Variants in DHODH observed in about 807,000 individuals in gnomAD.
The protein encoded by DHODH is dihydroorotate dehydrogenase (quinone).
Under a neutral mutation model 39.7 loss-of-function variants are expected in DHODH, and 30 were observed. That is an observed-to-expected ratio of 0.76 (90% confidence interval 0.57 to 1.02). The LOEUF (loss-of-function observed/expected upper bound fraction) is 1.02. Among genes scored for constraint, DHODH ranks in the 50% least tolerant of loss-of-function variants. The pLI is 0.00. For missense variants in DHODH, 531 were observed against 520.8 expected (o/e 1.02, Z -0.19); for synonymous variants, 222 against 213.8 (o/e 1.04, Z -0.34).
rs373069655 is a variant in DHODH at position 72,021,075 on chromosome 16, G to A, written c.518-49G>A. The A allele has an allele frequency of 7.2e-4, 1,108 of 1,541,366 alleles. 15 individuals carry two copies. The South Asian group carries it at 0.011, about 15-fold the overall frequency. The stretch of plus-strand genomic sequence containing the variant: ...TGGTCAAGGGCAGCCTCAGAAGGTG[G>A]CACAGGAAAGGGTGTGCGGGGTGCA... On this transcript the variant is annotated intron_variant, in intron 4 of 8. Coordinates refer to ENST00000219240, the MANE Select transcript of DHODH (RefSeq NM_001361.5).
chr16:72,014,747 T>G, intron 3 of DHODH, 75 bp downstream of exon 3: 3 of 1,438,184 alleles, frequency 2.1e-6, no homozygotes, highest in East Asian at 4.7e-5. Flanking sequence ...AAGATCTGCC[T>G]CTGTTTTTTT....
intron 1 of DHODH, chr16:72,009,033 G>T: frequency 7.0e-7 from 1 of 1,421,534 alleles, no homozygotes. Context: ...CTGCGCCTGG[G>T]CCATGTTTTT....
At chr16:72,020,785 T>C (rs1309949256) in intron 4 of DHODH, among the ~76,000 whole-genome samples, 1 of 152,222 alleles carries the variant, frequency 6.6e-6, no homozygotes, top group East Asian at 1.9e-4. Flanking sequence ...CTGAGTTCTC[T>C]CTGTTCTCAG....
rs1476986682 is a variant in DHODH at position 72,026,774 on chromosome 16, G to C, written c.*2575G>C. On this transcript the variant is annotated 3_prime_UTR_variant, in exon 9 of 9. Coordinates refer to ENST00000219240, the MANE Select transcript of DHODH (RefSeq NM_001361.5). ...GCATTCAGGGGCCATGTGGTGTGCG[G>C]ATACCTATTTTTCTTTCTTTTCTTT... The C allele has an allele frequency of 2.6e-5, 4 of 151,844 alleles. No homozygotes were observed. The highest frequency in any genetic ancestry group is 4.4e-5 in the Non-Finnish European group (3 of 68,232). 9.4% of individuals were successfully genotyped at this position (151,844 alleles called of 1,614,324 possible). A position where few individuals can be genotyped will look rare whatever the true frequency, so the allele number is the denominator to read the frequency against.
In DHODH at chr16:72,024,343, G is replaced by A. The variant is rs144226636; in HGVS notation, c.*144G>A. The A allele has an allele frequency of 1.1e-4, 90 of 845,302 alleles. No individual in the cohort carries two copies. In the African/African-American group the frequency reaches 1.3e-3, roughly 12 times the overall value. The allele number at this position is 845,302 out of a possible 1,614,324, so 52.4% of individuals were successfully genotyped here. ...GCTGCACTGTAAACGCCAATCGGGG[G>A]GTCACCAGGATCAACCGCAGGCTTT... On this transcript the variant is annotated 3_prime_UTR_variant, in exon 9 of 9. Coordinates refer to ENST00000219240, the MANE Select transcript of DHODH (RefSeq NM_001361.5).
rs1171812810 is a variant in DHODH at position 72,012,173 on chromosome 16, C to T, written c.145C>T (p.Leu49=). The change falls in exon 2 of 9, where the codon CTG becomes TTG. Residue 49 remains leucine, a synonymous_variant. Transcript: ENST00000219240. ...EHLMPTLQGL[L]DPESAHRLAV... is the part of the protein sequence containing the mutation. ...CCTGATGCCGACTCTGCAGGGGCTG[C>T]TGGACCCGGAGTCAGCCCACAGACT... is the stretch of plus-strand genomic sequence containing the variant. The T allele has an allele frequency of 1.9e-6, 3 of 1,614,054 alleles. No individual in the cohort carries two copies. The highest frequency in any genetic ancestry group is 2.5e-6 in the Non-Finnish European group (3 of 1,180,022).
At chr16:72,018,282 A>T (rs1320854789) in intron 4 of DHODH, among the ~76,000 whole-genome samples, 1 of 152,134 alleles carries the variant, frequency 6.6e-6, no homozygotes, top group African/African-American at 2.4e-5. Context: ...AGGATGTCTT[A>T]GTCTCAGATA....
intron 4 of DHODH, among the ~76,000 whole-genome samples, chr16:72,019,429 C>G (rs1373896097): frequency 6.6e-6 from 1 of 152,190 alleles, no homozygotes; most frequent in Non-Finnish European, 1.5e-5. Context: ...ACTTGGTGTT[C>G]TAATTCTTCC....
rs528598713 is a variant in DHODH, at chr16:72,021,272, C to G, written c.666C>G (p.Ser222Arg). ...VSSPNTAGLR[S>R]LQGKAELRRL... is the part of the protein sequence containing the mutation. ...GCCCCAACACTGCCGGGCTGCGGAG[C>G]CTTCAGGGAAAGGCCGAGCTGCGCC... The change falls in exon 5 of 9, where the codon AGC becomes AGG. Residue 222 changes from serine (S) to arginine (R), a missense_variant. By Grantham distance (110) the Ser-to-Arg change is moderately radical. Transcript: ENST00000219240. The G allele has an allele frequency of 4.3e-6, 7 of 1,612,400 alleles. No homozygotes were observed. The highest frequency in any genetic ancestry group is 2.2e-5 in the South Asian group (2 of 90,714).
intron 6 of DHODH, among the ~76,000 whole-genome samples, chr16:72,022,939 TA>T (rs1252668581): frequency 6.6e-6 from 1 of 152,182 alleles, no homozygotes; most frequent in Non-Finnish European, 1.5e-5. Flanking sequence ...GACCCTGTCC[TA>T]GGGGAATGTT....
intron 5 of DHODH, 21 bp downstream of exon 5, chr16:72,021,332 C>T (rs1317614984): frequency 1.3e-6 from 2 of 1,584,210 alleles, no homozygotes; most frequent in South Asian, 1.1e-5. Context: ...GCACCCCTCT[C>T]CAGGCCCTGT....
chr16:72,019,248 G>A (rs930856019), intron 4 of DHODH, among the ~76,000 whole-genome samples: 1 of 152,096 alleles, frequency 6.6e-6, no homozygotes, highest in African/African-American at 2.4e-5. Context: ...GAGCTGCTGC[G>A]CCCGGCTTCT....
Position 72,008,883 on chromosome 16 carries a change from C to T in DHODH, c.21+98C>T. On this transcript the variant is annotated intron_variant, in intron 1 of 8. Coordinates refer to ENST00000219240, the MANE Select transcript of DHODH (RefSeq NM_001361.5). Reference sequence around the variant, plus strand: ...GGCGAGGCATGGACCGAAGGCGGCTCCGGGAGTGTGGGCCCCCCTGGGACG... The same window carrying T: ...GGCGAGGCATGGACCGAAGGCGGCTTCGGGAGTGTGGGCCCCCCTGGGACG... The T allele has an allele frequency of 3.2e-6, 5 of 1,549,526 alleles. No individual in the cohort carries two copies. In the South Asian group the frequency reaches 3.6e-5, roughly 11 times the overall value.
intron 2 of DHODH, 50 bp downstream of exon 2, chr16:72,012,312 G>A (rs8057016): frequency 1.9e-6 from 3 of 1,561,084 alleles, no homozygotes; most frequent in Non-Finnish European, 2.6e-6. Context: ...GAAGGCTGCA[G>A]TCCCCTAAAC....
intron 3 of DHODH, chr16:72,016,628 A>G: frequency 2.9e-6 from 1 of 343,432 alleles, no homozygotes; most frequent in Non-Finnish European, 5.7e-6. Flanking sequence ...AGCTAGGAAG[A>G]GAGGTGATTT....
chr16:72,016,769 G>C, intron 3 of DHODH: 1 of 458,514 alleles, frequency 2.2e-6, no homozygotes, highest in Non-Finnish European at 4.1e-6. Context: ...GGATCCAGCA[G>C]GTCTGGGGCA....
At chr16:72,022,211 C>T (rs1334054203) in intron 5 of DHODH, 151 bp from the exon 6 acceptor site, 8 of 657,254 alleles carry the variant, frequency 1.2e-5, no homozygotes, top group Non-Finnish European at 1.9e-5. Context: ...CTGTACTCCT[C>T]ACGTCTGAGG....
chr16:72,018,101 G>A (rs748294736), intron 4 of DHODH, among the ~76,000 whole-genome samples: 6 of 106,644 alleles, frequency 5.6e-5, no homozygotes, highest in Non-Finnish European at 8.4e-5. Context: ...AGACGCCTCC[G>A]GCGATGCGGG....
chr16:72,015,201 C>G (rs2041129182), intron 3 of DHODH, among the ~76,000 whole-genome samples: 1 of 152,192 alleles, frequency 6.6e-6, no homozygotes, highest in Non-Finnish European at 1.5e-5. Flanking sequence ...TATTAATTCG[C>G]TGTTTTTACC....
Sources: gnomAD v4.1 joint callset for allele counts (sites outside exome capture counted in the v4.1 genomes callset) on GRCh38, gnomAD v4.1.1 for gene constraint, MANE v1.5 for transcripts, NCBI Gene and HGNC (gene_info 2026-07-23, HGNC 2026-07-21) for gene names.